PPP1R12A: variants seen among roughly 807,000 people sequenced by gnomAD.
PPP1R12A encodes the protein myosin binding subunit.
Under a neutral mutation model 139.6 loss-of-function variants are expected in PPP1R12A, and 19 were observed. That is an observed-to-expected ratio of 0.14 (90% CI 0.09 to 0.20). The LOEUF is 0.20. Among genes scored for constraint, PPP1R12A ranks in the 10% least tolerant of loss-of-function variants. PPP1R12A has a pLI of 1.00. For synonymous variants in PPP1R12A, 427 were observed against 420.6 expected (o/e 1.02, Z -0.19); for missense variants, 925 against 1,211.5 (o/e 0.76, Z 3.51).
chr12:79,784,096 T>G (rs1470819830), intron 22 of PPP1R12A, among the ~76,000 whole-genome samples: 1 of 152,106 alleles, frequency 6.6e-6, no homozygotes, highest in Non-Finnish European at 1.5e-5. Context: ...CTGCCACTGC[T>G]ATTTGTGGCA....
chr12:79,804,473 G>GA (rs1310946137), intron 14 of PPP1R12A, among the ~76,000 whole-genome samples: 1 of 151,286 alleles, frequency 6.6e-6, no homozygotes, highest in African/African-American at 2.4e-5. Flanking sequence ...TGCAATGATA[G>GA]AAAAAAAAGT....
chr12:79,805,770 T>G lies in PPP1R12A; in HGVS notation c.1824-2A>C. Reference sequence around the variant, plus strand: ...TCAGCCCACAAACGATTTGAGGTACTATAGCATCATAAGCAGCAACACAAA... The same window carrying G: ...TCAGCCCACAAACGATTTGAGGTACGATAGCATCATAAGCAGCAACACAAA... On this transcript the variant is annotated splice_acceptor_variant, in intron 13 of 24. Transcript: ENST00000450142. LOFTEE classifies it high-confidence loss of function. 6.2e-7 allele frequency: 1 copy of G among 1,608,426 alleles called. No homozygotes were observed. Among genetic ancestry groups the G allele is most frequent in the South Asian group, 1.1e-5 (1 of 90,380 alleles).
At chr12:79,853,891 C>T (rs765893829) in intron 2 of PPP1R12A, among the ~76,000 whole-genome samples, 10 of 152,304 alleles carry the variant, frequency 6.6e-5, no homozygotes, top group Middle Eastern at 3.4e-3. Flanking sequence ...ATCTTAAAAT[C>T]AATGACTTTG....
intron 22 of PPP1R12A, among the ~76,000 whole-genome samples, 193 bp downstream of exon 22, chr12:79,786,181 A>G (rs762571260): frequency 2.0e-5 from 3 of 152,192 alleles, no homozygotes; most frequent in Admixed American, 6.5e-5. Context: ...AAGGCTTTTT[A>G]TAAGTTGACT....
intron 2 of PPP1R12A, among the ~76,000 whole-genome samples, chr12:79,871,704 T>C (rs896322442): frequency 6.6e-6 from 1 of 152,140 alleles, no homozygotes; most frequent in Admixed American, 6.6e-5. Flanking sequence ...GGGTTTTTTT[T>C]TCTATGAAGA....
chr12:79,911,180 T>C (rs1385517414), intron 1 of PPP1R12A, among the ~76,000 whole-genome samples: 2 of 152,228 alleles, frequency 1.3e-5, no homozygotes, highest in Non-Finnish European at 2.9e-5. Context: ...TCAGGCTTGC[T>C]ACAATCCATC....
At chr12:79,892,330 G>C (rs1048678566) in intron 1 of PPP1R12A, among the ~76,000 whole-genome samples, 1 of 151,850 alleles carries the variant, frequency 6.6e-6, no homozygotes, top group African/African-American at 2.4e-5. Context: ...TATAACTTGA[G>C]AACCAAAAAA....
chr12:79,901,422 A>G (rs1356247298), intron 1 of PPP1R12A, among the ~76,000 whole-genome samples: 1 of 152,080 alleles, frequency 6.6e-6, no homozygotes, highest in African/African-American at 2.4e-5. Context: ...TGTACATACA[A>G]CTTTTTGTGT....
chr12:79,845,234 T>C (rs1879239025), intron 3 of PPP1R12A, 68 bp downstream of exon 3: 1 of 1,239,272 alleles, frequency 8.1e-7, no homozygotes. Flanking sequence ...TGTCAACAAA[T>C]ATTTTTGCTG....
chr12:79,907,428 G>A (rs112298399), intron 1 of PPP1R12A, among the ~76,000 whole-genome samples: 90 of 152,140 alleles, frequency 5.9e-4, no homozygotes, highest in African/African-American at 2.1e-3. Context: ...TATCATCAAG[G>A]TTAAAAAATA....
chr12:79,796,985 A>G (rs1180340246), intron 16 of PPP1R12A, 35 bp from the exon 17 acceptor site: 8 of 1,546,258 alleles, frequency 5.2e-6, no homozygotes, highest in Non-Finnish European at 6.1e-6. Flanking sequence ...CATTTGAAAC[A>G]TTAAACACAA....
At chr12:79,843,782 C>A (rs975066877) in intron 3 of PPP1R12A, among the ~76,000 whole-genome samples, 1 of 151,166 alleles carries the variant, frequency 6.6e-6, no homozygotes, top group African/African-American at 2.4e-5. Context: ...CAGCTCACTG[C>A]GACCTCCGCC....
At chr12:79,896,469 G>A (rs1222630587) in intron 1 of PPP1R12A, among the ~76,000 whole-genome samples, 5 of 151,744 alleles carry the variant, frequency 3.3e-5, no homozygotes, top group African/African-American at 4.8e-5. Flanking sequence ...AAGCAGCTGC[G>A]ACCACAGACG....
At chr12:79,809,151 TA>T (rs1874215331) in intron 10 of PPP1R12A, among the ~76,000 whole-genome samples, 2 of 151,928 alleles carry the variant, frequency 1.3e-5, no homozygotes, top group Admixed American at 6.6e-5. Context: ...AAAGCAAAAA[TA>T]TTAGAATTAC....
intron 1 of PPP1R12A, among the ~76,000 whole-genome samples, chr12:79,902,960 C>A (rs1288634754): frequency 6.6e-6 from 1 of 151,722 alleles, no homozygotes; most frequent in Non-Finnish European, 1.5e-5. Context: ...TGCAGGCATA[C>A]CCACAAAAGG....
chr12:79,879,948 C>G, intron 1 of PPP1R12A, among the ~76,000 whole-genome samples: 1 of 151,904 alleles, frequency 6.6e-6, no homozygotes, highest in Non-Finnish European at 1.5e-5. Context: ...ACTTCCATGC[C>G]TTGCCTCCTC....
intron 2 of PPP1R12A, among the ~76,000 whole-genome samples, chr12:79,855,655 C>T (rs756114636): frequency 2.0e-5 from 3 of 151,836 alleles, no homozygotes; most frequent in Non-Finnish European, 2.9e-5. Flanking sequence ...GTAACACTCC[C>T]ACCAGGTCTG....
At chr12:79,784,633 ATATT>A (rs1036431814) in intron 22 of PPP1R12A, among the ~76,000 whole-genome samples, 7 of 152,008 alleles carry the variant, frequency 4.6e-5, no homozygotes, top group African/African-American at 1.7e-4. Flanking sequence ...GGAGCAGTGG[ATATT>A]TATTTATTTA....
chr12:79,906,657 CAG>C (rs1286981909), intron 1 of PPP1R12A, among the ~76,000 whole-genome samples: 1 of 151,928 alleles, frequency 6.6e-6, no homozygotes, highest in Non-Finnish European at 1.5e-5. Context: ...ATTTTTAAGA[CAG>C]AGTCCCACTC....
Sources: gnomAD v4.1 joint callset for allele counts (sites outside exome capture counted in the v4.1 genomes callset) on GRCh38, gnomAD v4.1.1 for gene constraint, MANE v1.5 for transcripts, NCBI Gene and HGNC (gene_info 2026-07-23, HGNC 2026-07-21) for gene names.